The following DPP7 variants were observed in gnomAD, a reference collection of about 807,000 sequenced individuals.
The protein encoded by DPP7 is dipeptidyl peptidase 2.
DPP7 carries 74 observed loss-of-function variants against 58.8 expected under a neutral mutation model. That is an observed-to-expected ratio of 1.26 (90% CI 1.04 to 1.53). DPP7 has a LOEUF of 1.53. Among genes scored for constraint, DPP7 ranks in the 40% most tolerant of loss-of-function variants. The pLI, the probability that DPP7 is intolerant of heterozygous loss-of-function variation, is 0.00. For missense variants in DPP7, 807 were observed against 692.3 expected, an observed-to-expected ratio of 1.17 and a Z score of -1.86; for synonymous variants, 350 against 303.6, an observed-to-expected ratio of 1.15 and a Z score of -1.59.
chr9:137,114,880 C>T (rs1422855163), upstream of DPP7: 1 of 414,814 alleles, frequency 2.4e-6, no homozygotes, highest in Non-Finnish European at 4.0e-6. Flanking sequence ...GCCCCGCGGC[C>T]GCTGCCCAGG....
rs762658511 is a variant in DPP7, at chr9:137,114,369, G to A, written c.195C>T (p.Val65=). ...QRFLVSDRFW[V]RGEGPIFFYT... ...AGAAGAAGATGGGCCCCTCGCCCCG[G>A]ACCCAGAACCTGTCTGTGGGGAGGG... The change falls in exon 3 of 13, where the codon GTC becomes GTT. Residue 65 remains valine (V), a synonymous_variant. Transcript: ENST00000371579. 6.2e-6 allele frequency: 10 copies of A among 1,603,918 alleles called. No homozygotes were observed. Among genetic ancestry groups the A allele is most frequent in the African/African-American group, 2.7e-5 (2 of 74,412 alleles).
Position 137,112,658 on chromosome 9 carries a change from C to T in DPP7, c.931+87G>A, listed in dbSNP as rs35650945. 3.4e-6 allele frequency: 5 copies of T among 1,471,222 alleles called. No homozygotes were observed. The Admixed American group carries it at 8.0e-5, about 24-fold the overall frequency. The allele number at this position is 1,471,222 out of a possible 1,614,324, so 91.1% of individuals were successfully genotyped here. On this transcript the variant is annotated intron_variant, in intron 8 of 12. Transcript: ENST00000371579. The stretch of plus-strand genomic sequence containing the variant: ...GCAGGAGGCAAAGCCCCTGGCCGGG[C>T]TGCGGATCCTCGCCCCACCCGGCCC...
chr9:137,113,911 G>A lies in DPP7; in HGVS notation c.439C>T (p.Arg147Cys), dbSNP rs1831504243. 1 of 1,575,024 alleles carries A rather than the reference G, an allele frequency of 6.3e-7. No homozygotes were observed. Residue 147 changes from arginine (R) to cysteine (C), a missense_variant, in exon 4 of 13, where the codon CGC becomes TGC. Coordinates refer to ENST00000371579, the MANE Select transcript of DPP7 (RefSeq NM_013379.3). ...GGGGCATCCTGGGCCCCGAGGTCGC[G>A]TCGTAGCGCGCGGAGCAGCTCTGCG... ...DFAELLRALRRDLGAQDAPAI... is the reference protein window; with the variant it reads ...DFAELLRALRCDLGAQDAPAI...
rs749652953 is a variant in DPP7, at chr9:137,112,920, C to T, written c.870+33G>A. 56 of 1,611,148 alleles carry T rather than the reference C, an allele frequency of 3.5e-5. 1 individual carries two copies. In the South Asian group the frequency reaches 5.5e-4, roughly 16 times the overall value. ...ACCAGCCTCGGGACACTCCAGCCGG[C>T]CTCTCCCTGCGCCCTGGGAGGCGGC... On this transcript the variant is annotated intron_variant, in intron 7 of 12. Transcript: ENST00000371579.
chr9:137,114,071 G>GGCACCCGCCCA (rs1831516450), intron 3 of DPP7, 43 bp from the exon 4 acceptor site: 1 of 1,213,876 alleles, frequency 8.2e-7, no homozygotes, highest in Non-Finnish European at 1.0e-6. Flanking sequence ...GACCCCGCCC[G>GGCACCCGCCCA]GCACCCGCGT....
Position 137,112,271 on chromosome 9 carries a change from A to G in DPP7, c.932-41T>C, listed in dbSNP as rs767606407. ...GCTGGGGCCCAGCGGCCACACACAG[A>G]CACACCGCGGGCTCCGGCCACCAAC... On this transcript the variant is annotated intron_variant, in intron 8 of 12. Transcript: ENST00000371579. 3 of 1,527,400 alleles carry G rather than the reference A, an allele frequency of 2.0e-6. No individual in the cohort carries two copies. In the South Asian group the frequency reaches 3.5e-5, roughly 18 times the overall value. The allele number at this position is 1,527,400 out of a possible 1,614,324, so 94.6% of individuals were successfully genotyped here. A position where few individuals can be genotyped will look rare whatever the true frequency, so the allele number is the denominator to read the frequency against.
At position 137,114,576 on chromosome 9, in the gene DPP7, G is replaced by C. The variant is rs200039206; in HGVS notation, c.68C>G (p.Ala23Gly). 1 of 1,528,802 alleles carries C rather than the reference G, an allele frequency of 6.5e-7. No homozygotes were observed. The highest frequency in any genetic ancestry group is 1.4e-5 in the African/African-American group (1 of 70,096). The allele number at this position is 1,528,802 out of a possible 1,614,324, so 94.7% of individuals were successfully genotyped here. A position where few individuals can be genotyped will look rare whatever the true frequency, so the allele number is the denominator to read the frequency against. Residue 23 changes from alanine (A) to glycine (G), a missense_variant and splice_region_variant, in exon 2 of 13, where the codon GCC becomes GGC. Coordinates refer to ENST00000371579, the MANE Select transcript of DPP7 (RefSeq NM_013379.3). The part of the protein sequence containing the change: ...ALGLRGLQAG[A>G]RRAPDPGFQE... ...GAAGCCGGGGTCCGGGGCCCTGCGG[G>C]CTGTGGGGGGACGCGAACCTCAGAG...
rs566688220 is a variant in DPP7 at position 137,112,435 on chromosome 9, C to G, written c.932-205G>C. The G allele has an allele frequency of 6.8e-4, 423 of 626,294 alleles. 1 individual carries two copies. In the African/African-American group the frequency reaches 7.0e-3, roughly 10 times the overall value. 38.8% of individuals were successfully genotyped at this position (626,294 alleles called of 1,614,324 possible). ...AGCCCCGGGCCTGACTGTTGAGGGC[C>G]CCCCCGCTCTCCACGGGGCAGGGTG... On this transcript the variant is annotated intron_variant, in intron 8 of 12. Transcript: ENST00000371579.
At position 137,114,544 on chromosome 9, in the gene DPP7, GC is replaced by G. The variant is rs750763290; in HGVS notation, c.99del (p.Glu33AspfsTer97). The G allele has an allele frequency of 6.4e-7, 1 of 1,567,730 alleles. No homozygotes were observed. The highest frequency in any genetic ancestry group is 1.8e-5 in the Admixed American group (1 of 55,586). On this transcript the variant is annotated frameshift_variant, in exon 2 of 13. Transcript: ENST00000371579. LOFTEE classifies it high-confidence loss of function. The part of the protein sequence containing the change: ...ARRAPDPGFQ[E>X]RFFQQRLDHF... ...TGGTCCAGACGCTGCTGGAAGAAGC[GC>G]TCCTGGAAGCCGGGGTCCGGGGCCC... is the stretch of plus-strand genomic sequence containing the variant.
In DPP7 at chr9:137,112,740, G is replaced by A. The variant is rs1401788935; in HGVS notation, c.931+5C>T. 6.3e-7 allele frequency: 1 copy of A among 1,598,088 alleles called. No individual in the cohort carries two copies. Among genetic ancestry groups the A allele is most frequent in the Non-Finnish European group, 8.5e-7 (1 of 1,175,542 alleles). ...CTTGCCCATCTGGGGCCGGGGGAAG[G>A]GCACCTGCCAGTGCTCGCAGCCCCG... On this transcript the variant is annotated splice_donor_5th_base_variant and intron_variant, in intron 8 of 12. Coordinates refer to ENST00000371579, the MANE Select transcript of DPP7 (RefSeq NM_013379.3).
rs1564319289 is a variant in DPP7 at position 137,110,887 on chromosome 9, CGAG to C, written c.1333_1335del (p.Leu445del). 5.6e-6 allele frequency: 9 copies of C among 1,612,110 alleles called. No individual in the cohort carries two copies. The highest frequency in any genetic ancestry group is 1.7e-5 in the Admixed American group (1 of 59,958). ...GGCCACCTCCCTCCGCACCTGAGGTCGAGGTGGTGCGCTCCCCCCTGGATGGTG... is the reference window on the plus strand; with the variant it reads ...GGCCACCTCCCTCCGCACCTGAGGTCGTGGTGCGCTCCCCCCTGGATGGTG... On this transcript the variant is annotated inframe_deletion, in exon 12 of 13. Transcript: ENST00000371579.
chr9:137,117,837 G>A (rs1453992532), upstream of DPP7, among the ~76,000 whole-genome samples: 3 of 151,990 alleles, frequency 2.0e-5, no homozygotes, highest in South Asian at 2.1e-4. Flanking sequence ...GCTGTGCACC[G>A]TCATCACTAT....
chr9:137,111,600 T>C (rs1831368101), intron 11 of DPP7, 90 bp downstream of exon 11: 2 of 1,456,862 alleles, frequency 1.4e-6, no homozygotes, highest in Admixed American at 3.7e-5. Context: ...ATCTCGCCAC[T>C]GTATTCCAGC....
chr9:137,114,757 C>T (rs1046042275), upstream of DPP7: 14 of 1,246,944 alleles, frequency 1.1e-5, no homozygotes, highest in Middle Eastern at 2.1e-3. Context: ...GGTCACGGGG[C>T]CGCCAGGGCG....
At chr9:137,114,943 C>T (rs1831585201), upstream of DPP7, 4 of 331,874 alleles carry the variant, frequency 1.2e-5, no homozygotes, top group East Asian at 1.8e-4. Context: ...GCCATCTCCG[C>T]GGCCTCCCGC....
In DPP7 at chr9:137,110,869, TC is replaced by T; in HGVS notation, c.1343+10del. 6.2e-7 allele frequency: 1 copy of T among 1,610,224 alleles called. No individual in the cohort carries two copies. The highest frequency in any genetic ancestry group is 8.5e-7 in the Non-Finnish European group (1 of 1,179,470). ...GACCCGCGACCACCGCCAGGCCACC[TC>T]CCTCCGCACCTGAGGTCGAGGTGGT... On this transcript the variant is annotated intron_variant, in intron 12 of 12. Transcript: ENST00000371579.
At chr9:137,117,109 G>T (rs951670340), upstream of DPP7, among the ~76,000 whole-genome samples, 1 of 152,180 alleles carries the variant, frequency 6.6e-6, no homozygotes, top group Non-Finnish European at 1.5e-5. Context: ...TATACTGAGC[G>T]CCGTCTCCTG....
chr9:137,111,630 CCT>C, intron 11 of DPP7, 58 bp downstream of exon 11: 1 of 1,577,626 alleles, frequency 6.3e-7, no homozygotes, highest in Non-Finnish European at 8.7e-7. Flanking sequence ...AGAGAAAGAC[CCT>C]GTCTCAAAAA....
chr9:137,116,757 C>T (rs11791362), upstream of DPP7, among the ~76,000 whole-genome samples: 36,838 of 152,122 alleles, frequency 0.24, 5,359 homozygotes, highest in Non-Finnish European at 0.34. Flanking sequence ...TCCGACATGC[C>T]CCTGGGAACG....
Sources: gnomAD v4.1 joint callset for allele counts (sites outside exome capture counted in the v4.1 genomes callset) on GRCh38, gnomAD v4.1.1 for gene constraint, MANE v1.5 for transcripts, NCBI Gene and HGNC (gene_info 2026-07-23, HGNC 2026-07-21) for gene names.